The following LNP1 variants were observed in gnomAD, a reference collection of about 807,000 sequenced individuals.
The protein encoded by LNP1 is leukemia NUP98 fusion partner 1.
Under a neutral mutation model 14.5 loss-of-function variants are expected in LNP1, and 12 were observed. The ratio of observed to expected loss-of-function variants is 0.83; its 90% CI spans 0.53 to 1.34. The LOEUF (loss-of-function observed/expected upper bound fraction) is 1.34. Among genes scored for constraint, LNP1 ranks in the 40% most tolerant of loss-of-function variants. LNP1 has a pLI of 0.00. For missense variants in LNP1, 198 were observed against 210.9 expected, an observed-to-expected ratio of 0.94 and a Z score of 0.38; for synonymous variants, 75 against 71.4, an observed-to-expected ratio of 1.05 and a Z score of -0.26.
intron 1 of LNP1, among the ~76,000 whole-genome samples, chr3:100,427,081 T>C (rs61153044): frequency 0.049 from 7,388 of 152,106 alleles, 594 homozygotes; most frequent in African/African-American, 0.17. Flanking sequence ...GGGGCTGCTG[T>C]ATGAGGCGAT....
chr3:100,413,103 A>AC (rs1271405061), intron 1 of LNP1, among the ~76,000 whole-genome samples: 1 of 152,196 alleles, frequency 6.6e-6, no homozygotes, highest in Non-Finnish European at 1.5e-5. Context: ...TACTTCCATC[A>AC]CAACCACCTT....
intron 3 of LNP1, 143 bp from the exon 4 acceptor site, chr3:100,455,634 T>G: frequency 1.3e-6 from 1 of 766,490 alleles, no homozygotes; most frequent in East Asian, 2.5e-5. Context: ...CATCCTTAGG[T>G]TTATGCTAAT....
intron 1 of LNP1, among the ~76,000 whole-genome samples, chr3:100,421,251 C>T (rs1707141628): frequency 6.6e-6 from 1 of 152,212 alleles, no homozygotes; most frequent in Non-Finnish European, 1.5e-5. Context: ...CAAAATTCAG[C>T]TAGAAATATA....
chr3:100,414,161 C>T lies in LNP1; in HGVS notation c.-34+11722C>T, dbSNP rs112397675. Among the ~76,000 whole-genome samples, 290 of 152,214 alleles carry T rather than the reference C, an allele frequency of 1.9e-3. 2 individuals are homozygous for T. The South Asian group carries it at 0.023, about 12-fold the overall frequency. Reference sequence around the variant, plus strand: ...TAATTTTGTTGCTCAGGAATTTGGACGTGGCTCCTCTGGTAATATCAACAG... The same window carrying T: ...TAATTTTGTTGCTCAGGAATTTGGATGTGGCTCCTCTGGTAATATCAACAG... On this transcript the variant is annotated intron_variant, in intron 1 of 3. Transcript: ENST00000383693.
chr3:100,429,925 A>AG (rs779247490), intron 2 of LNP1, 40 bp downstream of exon 2: 1 of 1,588,644 alleles, frequency 6.3e-7, no homozygotes, highest in Non-Finnish European at 8.5e-7. Context: ...GAGCTGGAAT[A>AG]GGGGAGGGGG....
intron 2 of LNP1, among the ~76,000 whole-genome samples, chr3:100,441,123 G>C (rs59103766): frequency 0.038 from 5,825 of 152,278 alleles, 365 homozygotes; most frequent in African/African-American, 0.13. Context: ...TGAGCTGATA[G>C]AAGGAAGAAG....
intron 1 of LNP1, among the ~76,000 whole-genome samples, chr3:100,405,028 G>A (rs1165805364): frequency 3.3e-5 from 5 of 152,038 alleles, no homozygotes; most frequent in South Asian, 2.1e-4. Context: ...TTCTGACCTC[G>A]TGATCCGCCC....
At chr3:100,407,166 T>C (rs1706977953) in intron 1 of LNP1, among the ~76,000 whole-genome samples, 1 of 152,256 alleles carries the variant, frequency 6.6e-6, no homozygotes, top group Admixed American at 6.5e-5. Flanking sequence ...AATTTAGCTA[T>C]GTACGTATTT....
chr3:100,409,043 T>C (rs974095455), intron 1 of LNP1, among the ~76,000 whole-genome samples: 1 of 152,122 alleles, frequency 6.6e-6, no homozygotes, highest in Non-Finnish European at 1.5e-5. Flanking sequence ...TGTGAGAATG[T>C]TTTGGATGAG....
intron 2 of LNP1, among the ~76,000 whole-genome samples, chr3:100,446,427 G>C (rs368348677): frequency 6.6e-6 from 1 of 151,988 alleles, no homozygotes; most frequent in African/African-American, 2.4e-5. Context: ...ATCCCTTCCT[G>C]ACACCTTATA....
At chr3:100,443,630 A>G (rs1395170727) in intron 2 of LNP1, among the ~76,000 whole-genome samples, 1 of 152,214 alleles carries the variant, frequency 6.6e-6, no homozygotes, top group Non-Finnish European at 1.5e-5. Context: ...AACCCCATAC[A>G]GGAATTGCGT....
intron 1 of LNP1, among the ~76,000 whole-genome samples, chr3:100,426,129 C>T (rs1707190336): frequency 6.6e-6 from 1 of 152,212 alleles, no homozygotes; most frequent in Non-Finnish European, 1.5e-5. Flanking sequence ...TTCATCATTT[C>T]TGGTGCAACT....
chr3:100,414,546 T>TAAA (rs60049011), intron 1 of LNP1, among the ~76,000 whole-genome samples: 3 of 137,288 alleles, frequency 2.2e-5, no homozygotes, highest in African/African-American at 5.4e-5. Context: ...GACTCAGTCT[T>TAAA]AAAAAAAAAA....
intron 1 of LNP1, among the ~76,000 whole-genome samples, chr3:100,428,563 G>A (rs961889593): frequency 3.3e-5 from 5 of 151,402 alleles, no homozygotes; most frequent in African/African-American, 4.9e-5. Flanking sequence ...GAAAATTAGC[G>A]TATATGGAAT....
intron 1 of LNP1, among the ~76,000 whole-genome samples, chr3:100,417,210 A>G (rs1167274913): frequency 1.3e-5 from 2 of 151,832 alleles, no homozygotes; most frequent in Non-Finnish European, 2.9e-5. Flanking sequence ...CATGCTGTCT[A>G]TTACCTCCCT....
intron 2 of LNP1, among the ~76,000 whole-genome samples, chr3:100,448,205 T>C (rs1162747675): frequency 1.3e-5 from 2 of 152,208 alleles, no homozygotes; most frequent in Non-Finnish European, 2.9e-5. Context: ...CATCTTGCTT[T>C]TAACCTCCTT....
At chr3:100,443,721 A>G (rs1247127998) in intron 2 of LNP1, among the ~76,000 whole-genome samples, 1 of 152,244 alleles carries the variant, frequency 6.6e-6, no homozygotes, top group Admixed American at 6.5e-5. Flanking sequence ...AAAGCACACC[A>G]TTCCAGTCAA....
At chr3:100,455,750 T>C (rs777783138) in intron 3 of LNP1, 27 bp from the exon 4 acceptor site, 3 of 1,611,776 alleles carry the variant, frequency 1.9e-6, no homozygotes, top group Admixed American at 1.7e-5. Context: ...TGTGCATTTT[T>C]ACCTGTTTCT....
intron 1 of LNP1, among the ~76,000 whole-genome samples, chr3:100,428,611 A>G (rs1302025957): frequency 6.6e-6 from 1 of 152,134 alleles, no homozygotes; most frequent in Non-Finnish European, 1.5e-5. Context: ...GGAGTTCCAT[A>G]AATGTAATAT....
Sources: gnomAD v4.1 joint callset for allele counts (sites outside exome capture counted in the v4.1 genomes callset) on GRCh38, gnomAD v4.1.1 for gene constraint, MANE v1.5 for transcripts, NCBI Gene and HGNC (gene_info 2026-07-23, HGNC 2026-07-21) for gene names.